KANSL1L: variants seen among roughly 807,000 people sequenced by gnomAD.
The protein encoded by KANSL1L is KAT8 regulatory NSL complex subunit 1 like, also known as KAT8 regulatory NSL complex subunit 1-like protein.
KANSL1L carries 25 observed loss-of-function variants against 108.6 expected under a neutral mutation model. That is an observed-to-expected ratio of 0.23 (90% CI 0.17 to 0.32). The LOEUF (loss-of-function observed/expected upper bound fraction) is 0.32. Among genes scored for constraint, KANSL1L ranks in the 10% least tolerant of loss-of-function variants. The pLI, the probability that KANSL1L is intolerant of heterozygous loss-of-function variation, is 1.00. For synonymous variants in KANSL1L, 405 were observed against 395.1 expected, an observed-to-expected ratio of 1.03 and a Z score of -0.30; for missense variants, 1,137 against 1,125.7, an observed-to-expected ratio of 1.01 and a Z score of -0.14.
At chr2:210,144,331 C>G (rs1056391108) in intron 2 of KANSL1L, among the ~76,000 whole-genome samples, 1 of 152,150 alleles carries the variant, frequency 6.6e-6, no homozygotes, top group Non-Finnish European at 1.5e-5. Flanking sequence ...CTTTGACTCT[C>G]CTTTACCCCG....
chr2:210,167,051 A>G (rs1395775118), intron 1 of KANSL1L, among the ~76,000 whole-genome samples: 2 of 152,010 alleles, frequency 1.3e-5, no homozygotes, highest in East Asian at 3.8e-4. Context: ...AATAAAAAAT[A>G]TATGAGGATT....
At chr2:210,132,658 G>C (rs1350665718) in intron 2 of KANSL1L, among the ~76,000 whole-genome samples, 8 of 152,130 alleles carry the variant, frequency 5.3e-5, no homozygotes, top group Non-Finnish European at 8.8e-5. Flanking sequence ...TCTTTGTTTT[G>C]ACCTCCTGGT....
At chr2:210,162,392 CTAT>C (rs1369706521) in intron 1 of KANSL1L, among the ~76,000 whole-genome samples, 1 of 151,390 alleles carries the variant, frequency 6.6e-6, no homozygotes, top group Non-Finnish European at 1.5e-5. Flanking sequence ...GTCAGTGGTG[CTAT>C]TTTCTGACCT....
At position 210,024,026 on chromosome 2, in the gene KANSL1L, C is replaced by T; in HGVS notation, c.2733+7G>A. On this transcript the variant is annotated splice_region_variant and intron_variant, in intron 14 of 14. Coordinates refer to ENST00000281772, the MANE Select transcript of KANSL1L (RefSeq NM_152519.4). ...ATGGGAAGTTTAATCATACATATTACACTTACCTTGGTTTCTTGACTTTGA... is the reference window on the plus strand; with the variant it reads ...ATGGGAAGTTTAATCATACATATTATACTTACCTTGGTTTCTTGACTTTGA... The T allele has an allele frequency of 6.5e-7, 1 of 1,545,804 alleles. No individual in the cohort carries two copies. Among genetic ancestry groups the T allele is most frequent in the Non-Finnish European group, 8.8e-7 (1 of 1,142,672 alleles).
At chr2:210,104,357 C>G in intron 3 of KANSL1L, 56 bp from the exon 4 acceptor site, 2 of 1,243,220 alleles carry the variant, frequency 1.6e-6, no homozygotes, top group Non-Finnish European at 2.3e-6. Flanking sequence ...ATTAAGCCAC[C>G]TTTAATGCTA....
At position 210,058,204 on chromosome 2, in the gene KANSL1L, C is replaced by T. The variant is rs540208417; in HGVS notation, c.1756-14100G>A. ...CCTCTGAAATGGCCGCTTCAGGGGG[C>T]GGCTGACTTTTATGGTCGAAGCTGT... is the stretch of plus-strand genomic sequence containing the variant. On this transcript the variant is annotated intron_variant, in intron 6 of 14. Coordinates refer to ENST00000281772, the MANE Select transcript of KANSL1L (RefSeq NM_152519.4). 2.6e-5 allele frequency among the ~76,000 whole-genome samples: 4 copies of T among 152,108 alleles called. No homozygotes were observed. In the South Asian group the frequency reaches 8.3e-4, roughly 32 times the overall value.
chr2:210,159,801 C>T (rs1186623032), intron 1 of KANSL1L, among the ~76,000 whole-genome samples: 2 of 152,170 alleles, frequency 1.3e-5, no homozygotes, highest in African/African-American at 2.4e-5. Context: ...CCTATAATCC[C>T]AGCACTTTGG....
rs1453593757 is a variant in KANSL1L at position 210,154,369 on chromosome 2, G to C, written c.214C>G (p.Gln72Glu). The C allele has an allele frequency of 3.1e-6, 5 of 1,610,898 alleles. No homozygotes were observed. The highest frequency in any genetic ancestry group is 3.4e-6 in the Non-Finnish European group (4 of 1,178,758). Reference sequence around the variant, plus strand: ...ACAGTCTGGTAATGTTTTGAAGACTGAGGGGAGCCAAAATGTTTTAAATTC... The same window carrying C: ...ACAGTCTGGTAATGTTTTGAAGACTCAGGGGAGCCAAAATGTTTTAAATTC... Reference protein sequence around the residue: ...FVNLKHFGSPQSSKHYQTVFL... With the variant: ...FVNLKHFGSPESSKHYQTVFL... Residue 72 changes from glutamine to glutamate, a missense_variant, in exon 2 of 15, where the codon CAG (glutamine) becomes GAG (glutamate). Transcript: ENST00000281772.
intron 1 of KANSL1L, among the ~76,000 whole-genome samples, chr2:210,168,727 C>T (rs1354828339): frequency 2.0e-5 from 3 of 151,986 alleles, no homozygotes; most frequent in Admixed American, 6.6e-5. Flanking sequence ...ATCACTGAGG[C>T]CTCACCTGAA....
intron 3 of KANSL1L, among the ~76,000 whole-genome samples, chr2:210,125,270 A>G (rs1231850155): frequency 1.3e-5 from 2 of 152,142 alleles, no homozygotes; most frequent in Non-Finnish European, 2.9e-5. Context: ...AAAAGAAAAG[A>G]AAAGAAAATT....
At chr2:210,098,820 GTT>G (rs59310373) in intron 4 of KANSL1L, among the ~76,000 whole-genome samples, 5 of 150,642 alleles carry the variant, frequency 3.3e-5, no homozygotes, top group African/African-American at 9.7e-5. Flanking sequence ...AAATATCAGA[GTT>G]TTTTTTTTAG....
intron 5 of KANSL1L, chr2:210,079,660 ATATATGTATG>A (rs1175316778): frequency 1.3e-3 from 18 of 14,266 alleles, no homozygotes; most frequent in Non-Finnish European, 1.8e-3. Flanking sequence ...ATATATATAT[ATATATGTATG>A]TGTGTATATA....
intron 2 of KANSL1L, among the ~76,000 whole-genome samples, chr2:210,136,209 T>C (rs1320905042): frequency 6.6e-6 from 1 of 152,084 alleles, no homozygotes; most frequent in Non-Finnish European, 1.5e-5. Flanking sequence ...AACTGAAAAT[T>C]TCAGTATTAA....
At chr2:210,168,157 G>C (rs975624197) in intron 1 of KANSL1L, among the ~76,000 whole-genome samples, 2 of 152,028 alleles carry the variant, frequency 1.3e-5, no homozygotes, top group Non-Finnish European at 2.9e-5. Context: ...TTTAAAATTA[G>C]TAAATTAGTT....
intron 5 of KANSL1L, among the ~76,000 whole-genome samples, chr2:210,076,105 G>T (rs1386245705): frequency 6.6e-6 from 1 of 152,096 alleles, no homozygotes; most frequent in Non-Finnish European, 1.5e-5. Flanking sequence ...TTTTGTGTAT[G>T]ATGAAAATAC....
intron 2 of KANSL1L, among the ~76,000 whole-genome samples, chr2:210,141,162 CTGTTTTCTT>C (rs373382566): frequency 0.093 from 13,285 of 142,594 alleles, 634 homozygotes; most frequent in Middle Eastern, 0.15. Context: ...CCACTCCTCT[CTGTTTTCTT>C]TCTTTTCTTT....
At chr2:210,147,960 A>AT (rs1559602335) in intron 2 of KANSL1L, among the ~76,000 whole-genome samples, 1 of 152,120 alleles carries the variant, frequency 6.6e-6, no homozygotes, top group Non-Finnish European at 1.5e-5. Flanking sequence ...ATTATTTTCT[A>AT]TTTTTTAATC....
chr2:210,125,063 G>A (rs938309398), intron 3 of KANSL1L, among the ~76,000 whole-genome samples: 4 of 152,056 alleles, frequency 2.6e-5, no homozygotes, highest in Admixed American at 6.6e-5. Context: ...AGACCAGCCT[G>A]GACAACATGG....
intron 6 of KANSL1L, among the ~76,000 whole-genome samples, chr2:210,049,407 T>C (rs550642040): frequency 1.6e-4 from 25 of 152,132 alleles, no homozygotes; most frequent in African/African-American, 4.6e-4. Context: ...CATTCTATTT[T>C]GTGGTACCTG....
Sources: gnomAD v4.1 joint callset for allele counts (sites outside exome capture counted in the v4.1 genomes callset) on GRCh38, gnomAD v4.1.1 for gene constraint, MANE v1.5 for transcripts, NCBI Gene and HGNC (gene_info 2026-07-23, HGNC 2026-07-21) for gene names.